The following POLN variants were observed in gnomAD, a reference collection of about 807,000 sequenced individuals.
POLN encodes DNA polymerase N.
In POLN, 108 loss-of-function variants were observed where a neutral mutation model predicts 113.5. That is an observed-to-expected ratio of 0.95 (90% CI 0.81 to 1.12). The LOEUF (loss-of-function observed/expected upper bound fraction) is 1.12. Among genes scored for constraint, POLN ranks in the 50% most tolerant of loss-of-function variants. The pLI is 0.00. For synonymous variants in POLN, 386 were observed against 391.5 expected (o/e 0.99, Z 0.17); for missense variants, 1,097 against 1,077.1 (o/e 1.02, Z -0.26).
At chr4:2,101,234 C>A (rs1228176427) in intron 19 of POLN, among the ~76,000 whole-genome samples, 1 of 151,676 alleles carries the variant, frequency 6.6e-6, no homozygotes, top group Non-Finnish European at 1.5e-5. Context: ...AAAAGAAACA[C>A]AAACAATACA....
chr4:2,119,384 G>T (rs1731389475), intron 19 of POLN, among the ~76,000 whole-genome samples: 1 of 150,284 alleles, frequency 6.7e-6, no homozygotes. Context: ...AGTGCATAAT[G>T]GCTGTGTCTT....
chr4:2,240,042 C>G, intron 2 of POLN: 1 of 1,610,144 alleles, frequency 6.2e-7, no homozygotes, highest in Non-Finnish European at 8.5e-7. Context: ...GCTTACCTTG[C>G]TGGTTAGGCT....
intron 7 of POLN, among the ~76,000 whole-genome samples, chr4:2,183,355 T>C (rs192398225): frequency 6.6e-6 from 1 of 152,220 alleles, no homozygotes; most frequent in African/African-American, 2.4e-5. Flanking sequence ...TACACCAAAG[T>C]TCATAGAAGC....
At chr4:2,131,782 T>C (rs937586535) in intron 16 of POLN, among the ~76,000 whole-genome samples, 1 of 152,208 alleles carries the variant, frequency 6.6e-6, no homozygotes, top group East Asian at 1.9e-4. Flanking sequence ...TTGTGCTACG[T>C]CCCCTGCAAA....
intron 21 of POLN, among the ~76,000 whole-genome samples, chr4:2,083,641 G>C (rs965939683): frequency 8.5e-5 from 13 of 152,376 alleles, no homozygotes; most frequent in African/African-American, 3.1e-4. Context: ...CTGGCCCTTT[G>C]TGGTGATGCT....
chr4:2,088,631 TC>T, intron 20 of POLN: 1 of 640,322 alleles, frequency 1.6e-6, no homozygotes, highest in Non-Finnish European at 2.3e-6. Context: ...ACAATTTGAA[TC>T]CCATAATATA....
At chr4:2,081,383 G>C in intron 22 of POLN, 2 of 622,546 alleles carry the variant, frequency 3.2e-6, no homozygotes, top group East Asian at 5.8e-5. Context: ...AGAGATATGG[G>C]GAACAGTACT....
rs1281756629 is a variant in POLN at position 2,126,855 on chromosome 4, T to C, written c.1982+1258A>G. Among the ~76,000 whole-genome samples, 1 of 151,178 alleles carries C rather than the reference T, an allele frequency of 6.6e-6. No homozygotes were observed. On this transcript the variant is annotated intron_variant, in intron 19 of 25. Transcript: ENST00000511885. This position sits in a 1 kb window ranked among gnomAD's most constrained non-coding sequence, Gnocchi z 4.6. Reference sequence around the variant, plus strand: ...AGCTGAAGAGGGAGCACCAGGAGAGTGGGTGGCAACCAGGCCAGAGAGCAG... The same window carrying C: ...AGCTGAAGAGGGAGCACCAGGAGAGCGGGTGGCAACCAGGCCAGAGAGCAG...
chr4:2,106,912 T>A (rs1191836588), intron 19 of POLN, among the ~76,000 whole-genome samples: 1 of 152,302 alleles, frequency 6.6e-6, no homozygotes, highest in African/African-American at 2.4e-5. Context: ...TTAGTTTGTC[T>A]AGTTACTAAA....
At chr4:2,177,254 G>C (rs994512851) in intron 8 of POLN, 5 of 470,580 alleles carry the variant, frequency 1.1e-5, no homozygotes, top group African/African-American at 9.9e-5. Context: ...GCTGCACGAG[G>C]AGCCCCTAAA....
intron 6 of POLN, among the ~76,000 whole-genome samples, chr4:2,195,880 A>G (rs904338655): frequency 6.6e-5 from 10 of 152,298 alleles, no homozygotes; most frequent in Admixed American, 5.2e-4. Flanking sequence ...TAGAAAAATC[A>G]CCATCTTACT....
In POLN at chr4:2,236,548, A is replaced by G. The variant is rs1734774412; in HGVS notation, c.-13+4972T>C. 9 of 822,308 alleles carry G rather than the reference A, an allele frequency of 1.1e-5. No homozygotes were observed. The Admixed American group carries it at 2.0e-4, about 18-fold the overall frequency. 50.9% of individuals were successfully genotyped at this position (822,308 alleles called of 1,614,324 possible). A position where few individuals can be genotyped will look rare whatever the true frequency, so the allele number is the denominator to read the frequency against. The stretch of plus-strand genomic sequence containing the variant: ...CCACTGTATTGGGGCATTTGTGGGG[A>G]TAGCTAAGTAACAACTTATAAAAAT... On this transcript the variant is annotated intron_variant, in intron 2 of 25. Transcript: ENST00000511885.
At chr4:2,166,065 C>T (rs1438232282) in intron 13 of POLN, among the ~76,000 whole-genome samples, 2 of 152,192 alleles carry the variant, frequency 1.3e-5, no homozygotes, top group African/African-American at 4.8e-5. Context: ...GTGTGAGCCA[C>T]CATACATGGC....
intron 13 of POLN, 34 bp from the exon 14 acceptor site, chr4:2,159,245 C>T (rs756342595): frequency 2.6e-6 from 4 of 1,519,798 alleles, no homozygotes; most frequent in South Asian, 1.2e-5. Context: ...CAATGTAATT[C>T]GTCCATTTTA....
intron 19 of POLN, among the ~76,000 whole-genome samples, chr4:2,125,014 T>C (rs756582764): frequency 6.6e-6 from 1 of 152,226 alleles, no homozygotes; most frequent in African/African-American, 2.4e-5. Context: ...AGGTTGAAGA[T>C]AGGATTTCTT....
chr4:2,191,704 T>C (rs1733445534), intron 7 of POLN, among the ~76,000 whole-genome samples: 1 of 152,074 alleles, frequency 6.6e-6, no homozygotes, highest in Admixed American at 6.6e-5. Flanking sequence ...GAGATGATGG[T>C]GTTGTCTTAA....
intron 19 of POLN, among the ~76,000 whole-genome samples, chr4:2,121,299 G>A (rs1365158589): frequency 6.6e-6 from 1 of 152,080 alleles, no homozygotes; most frequent in East Asian, 1.9e-4. Flanking sequence ...GCTGGGCATG[G>A]TGGCAGATGT....
intron 17 of POLN, among the ~76,000 whole-genome samples, chr4:2,130,257 CAGAAG>C (rs1731689604): frequency 1.5e-5 from 2 of 129,196 alleles, no homozygotes; most frequent in South Asian, 4.8e-4. Context: ...AAAAAGAAAA[CAGAAG>C]AGGAGAGGAG....
At chr4:2,228,244 C>CA (rs199773336) in intron 3 of POLN, 5,621 of 56,230 alleles carry the variant, frequency 0.1, 144 homozygotes, top group Admixed American at 0.13. Flanking sequence ...TTGCTAGTAG[C>CA]AAAAAAAAAA....
Sources: gnomAD v4.1 joint callset for allele counts (sites outside exome capture counted in the v4.1 genomes callset) on GRCh38, gnomAD v4.1.1 for gene constraint, Gnocchi (gnomAD v3.1) non-coding constraint, MANE v1.5 for transcripts, NCBI Gene and HGNC (gene_info 2026-07-23, HGNC 2026-07-21) for gene names.